BNC2: variants seen among roughly 807,000 people sequenced by gnomAD.
BNC2 encodes the protein zinc finger protein basonuclin-2.
In BNC2, 20 loss-of-function variants were observed where a neutral mutation model predicts 76.3. The observed-to-expected ratio is 0.26, with a 90% CI of 0.18 to 0.38. The LOEUF (loss-of-function observed/expected upper bound fraction) is 0.38, where lower values mean the gene tolerates loss of function less well. Among genes scored for constraint, BNC2 ranks in the 10% least tolerant of loss-of-function variants. The pLI is 1.00. For missense variants in BNC2, 1,382 were observed against 1,399.8 expected (o/e 0.99, Z 0.20); for synonymous variants, 582 against 514.8 (o/e 1.13, Z -1.77).
At position 16,565,938 on chromosome 9, in the gene BNC2, G is replaced by T. The variant is rs1313559776; in HGVS notation, c.434-13173C>A. 2.4e-4 allele frequency among the ~76,000 whole-genome samples: 35 copies of T among 146,542 alleles called. 1 individual carries two copies. The stretch of plus-strand genomic sequence containing the variant: ...TTCCAGGCAAAGCCAATTCGGCCAG[G>T]ACATGAACAAGAGAAGAACCAAGAT... On this transcript the variant is annotated intron_variant, in intron 4 of 6. Transcript: ENST00000380672.
In BNC2 at chr9:16,738,471, G is replaced by A. The variant is rs752103642; in HGVS notation, c.18C>T (p.Pro6=). MAHLG[P]TPPPHSLNYK... is the part of the protein sequence containing the mutation. ...AATTAAGGCTATGTGGAGGTGGGGT[G>A]GGCCCAAGGTGTGCCTATTGAGAGA... Residue 6 remains proline (P), a synonymous_variant, in exon 2 of 7, where the codon CCC becomes CCT. Transcript: ENST00000380672. The A allele has an allele frequency of 3.7e-6, 6 of 1,613,914 alleles. No homozygotes were observed. Among genetic ancestry groups the A allele is most frequent in the African/African-American group, 1.3e-5 (1 of 74,910 alleles).
chr9:16,628,323 C>T (rs986798606), intron 3 of BNC2, among the ~76,000 whole-genome samples: 3 of 152,156 alleles, frequency 2.0e-5, no homozygotes, highest in Non-Finnish European at 2.9e-5. Flanking sequence ...ATGTGCCAGC[C>T]ATCTTGTTTA....
intron 3 of BNC2, among the ~76,000 whole-genome samples, chr9:16,605,226 T>C (rs1587226451): frequency 6.6e-6 from 1 of 152,252 alleles, no homozygotes; most frequent in Non-Finnish European, 1.5e-5. Context: ...TGTTTTCAAG[T>C]ATATATTTCT....
chr9:16,473,572 C>T (rs1821867748), intron 5 of BNC2, among the ~76,000 whole-genome samples: 1 of 152,168 alleles, frequency 6.6e-6, no homozygotes, highest in South Asian at 2.1e-4. Context: ...TCCTGACTAT[C>T]TCATGAAGAT....
chr9:16,463,034 C>T (rs563549643), intron 5 of BNC2, among the ~76,000 whole-genome samples: 2 of 152,224 alleles, frequency 1.3e-5, no homozygotes, highest in African/African-American at 4.8e-5. Context: ...CCTCACATTA[C>T]TCCACTGGCC....
At chr9:16,666,532 A>G (rs1321784795) in intron 3 of BNC2, among the ~76,000 whole-genome samples, 1 of 152,212 alleles carries the variant, frequency 6.6e-6, no homozygotes, top group Non-Finnish European at 1.5e-5. Flanking sequence ...AAATGCTACA[A>G]TGCAACTGAC....
intron 4 of BNC2, among the ~76,000 whole-genome samples, chr9:16,580,897 G>A (rs1193373366): frequency 2.6e-5 from 4 of 152,024 alleles, no homozygotes; most frequent in African/African-American, 9.7e-5. Flanking sequence ...TATTTTACAG[G>A]CAAGAAAACT....
chr9:16,464,458 G>A (rs1274651635), intron 5 of BNC2, among the ~76,000 whole-genome samples: 1 of 152,068 alleles, frequency 6.6e-6, no homozygotes, highest in Non-Finnish European at 1.5e-5. Context: ...TTCAGGATCC[G>A]AAGCACAAAA....
At chr9:16,622,119 G>C (rs1165629120) in intron 3 of BNC2, among the ~76,000 whole-genome samples, 1 of 152,078 alleles carries the variant, frequency 6.6e-6, no homozygotes, top group African/African-American at 2.4e-5. Context: ...AAATGAGAGG[G>C]ATGAAAATCA....
At chr9:16,628,847 G>A (rs1327371957) in intron 3 of BNC2, among the ~76,000 whole-genome samples, 1 of 152,184 alleles carries the variant, frequency 6.6e-6, no homozygotes, top group East Asian at 1.9e-4. Context: ...TAAAGGGAAA[G>A]AAAGTCCAAC....
chr9:16,756,509 T>C (rs1161870497), intron 1 of BNC2, among the ~76,000 whole-genome samples: 47 of 152,176 alleles, frequency 3.1e-4, no homozygotes, highest in Non-Finnish European at 7.3e-5. Context: ...ATTCTTCAAA[T>C]TGCAGCTGAG....
At chr9:16,844,483 TTTTTC>T in intron 1 of BNC2, among the ~76,000 whole-genome samples, 3 of 143,094 alleles carry the variant, frequency 2.1e-5, no homozygotes, top group Non-Finnish European at 3.0e-5. Flanking sequence ...TTTACGAATA[TTTTTC>T]TTTTCTTTTT....
At chr9:16,748,638 T>C (rs1825081085) in intron 1 of BNC2, among the ~76,000 whole-genome samples, 1 of 151,224 alleles carries the variant, frequency 6.6e-6, no homozygotes, top group Non-Finnish European at 1.5e-5. Context: ...AGGTCAAGAG[T>C]TCGAGATCAG....
At chr9:16,700,353 C>T (rs960353834) in intron 3 of BNC2, among the ~76,000 whole-genome samples, 1 of 151,840 alleles carries the variant, frequency 6.6e-6, no homozygotes, top group Non-Finnish European at 1.5e-5. Context: ...TAGCAAGACC[C>T]CATATCTACA....
At chr9:16,849,171 T>C (rs895639167) in intron 1 of BNC2, among the ~76,000 whole-genome samples, 1 of 151,970 alleles carries the variant, frequency 6.6e-6, no homozygotes, top group African/African-American at 2.4e-5. Context: ...AATGTAAAAT[T>C]AGCTTTCCTG....
At chr9:16,421,805 C>T (rs146432912) in intron 6 of BNC2, among the ~76,000 whole-genome samples, 4 of 152,308 alleles carry the variant, frequency 2.6e-5, no homozygotes, top group Non-Finnish European at 5.9e-5. Flanking sequence ...TTACGCTATG[C>T]GCTATTATTC....
At chr9:16,543,073 G>T (rs529808489) in intron 5 of BNC2, among the ~76,000 whole-genome samples, 22 of 152,206 alleles carry the variant, frequency 1.4e-4, no homozygotes, top group African/African-American at 4.8e-4. Flanking sequence ...AAAGGACACA[G>T]TAGCTCAAAT....
intron 6 of BNC2, chr9:16,429,389 G>A (rs1474953495): frequency 6.6e-6 from 1 of 152,634 alleles, no homozygotes; most frequent in African/African-American, 2.4e-5. Context: ...AAAAAGAAAA[G>A]ATGGGCTACA....
intron 1 of BNC2, among the ~76,000 whole-genome samples, chr9:16,751,266 T>TG (rs373297355): frequency 2.1e-5 from 3 of 145,684 alleles, no homozygotes; most frequent in Non-Finnish European, 4.5e-5. Flanking sequence ...GAAAATGGTT[T>TG]AAAAAAAAAA....
Sources: allele counts gnomAD v4.1 joint callset (sites outside exome capture counted in the v4.1 genomes callset), GRCh38; gene constraint gnomAD v4.1.1; transcripts MANE v1.5; gene names NCBI Gene and HGNC (gene_info 2026-07-23, HGNC 2026-07-21).